COA6: variants seen among roughly 807,000 people sequenced by gnomAD.
COA6 encodes the protein cytochrome c oxidase assembly factor 6.
A neutral mutation model predicts 17.1 loss-of-function variants in COA6; 12 were observed. The observed-to-expected ratio is 0.70, with a 90% CI of 0.45 to 1.14. The LOEUF (loss-of-function observed/expected upper bound fraction) is 1.14. Among genes scored for constraint, COA6 ranks in the 50% most tolerant of loss-of-function variants. The pLI is 0.00. For missense variants in COA6, 246 were observed against 196.5 expected (o/e 1.25, Z -1.51); for synonymous variants, 90 against 73.4 (o/e 1.23, Z -1.16).
At chr1:234,382,078 C>CAGAT (rs1658988607) in intron 2 of COA6, among the ~76,000 whole-genome samples, 1 of 152,130 alleles carries the variant, frequency 6.6e-6, no homozygotes, top group African/African-American at 2.4e-5. Context: ...GAACTGTGGG[C>CAGAT]ATCTTACCAA....
intron 2 of COA6, 126 bp from the exon 3 acceptor site, chr1:234,383,597 C>CACACAA (rs952851914): frequency 2.7e-5 from 16 of 582,448 alleles, no homozygotes; most frequent in African/African-American, 2.5e-4. Context: ...CACACACACA[C>CACACAA]AAAATGGTTC....
intron 2 of COA6, among the ~76,000 whole-genome samples, chr1:234,376,866 C>T (rs1165833938): frequency 2.6e-5 from 4 of 152,224 alleles, no homozygotes; most frequent in African/African-American, 9.6e-5. Context: ...ATCCTGTTTA[C>T]AGCCATGGCT....
intron 2 of COA6, among the ~76,000 whole-genome samples, chr1:234,377,271 C>T (rs377126138): frequency 6.6e-6 from 1 of 151,842 alleles, no homozygotes; most frequent in Non-Finnish European, 1.5e-5. Context: ...GGATTACAAG[C>T]GCCCGCCACC....
chr1:234,380,267 G>A (rs994519409), intron 2 of COA6, among the ~76,000 whole-genome samples: 1 of 152,206 alleles, frequency 6.6e-6, no homozygotes, highest in African/African-American at 2.4e-5. Flanking sequence ...GCATAAGGGT[G>A]GGGAGGCACA....
At chr1:234,380,102 T>C (rs1399143711) in intron 2 of COA6, among the ~76,000 whole-genome samples, 1 of 152,214 alleles carries the variant, frequency 6.6e-6, no homozygotes. Context: ...CCACTGTTCT[T>C]TCTTAGTTCA....
chr1:234,378,779 A>G (rs1349974232), intron 2 of COA6, among the ~76,000 whole-genome samples: 1 of 152,202 alleles, frequency 6.6e-6, no homozygotes, highest in Non-Finnish European at 1.5e-5. Flanking sequence ...AGGCTGAGGC[A>G]GGAGAATTGC....
intron 2 of COA6, among the ~76,000 whole-genome samples, chr1:234,381,989 C>T (rs1407957257): frequency 6.6e-6 from 1 of 152,142 alleles, no homozygotes; most frequent in African/African-American, 2.4e-5. Context: ...CCATCCTAGC[C>T]CAATCAGCCT....
chr1:234,383,510 G>A (rs184291067), intron 2 of COA6, among the ~76,000 whole-genome samples: 4 of 150,530 alleles, frequency 2.7e-5, no homozygotes, highest in African/African-American at 2.5e-5. Context: ...CGTTGTGCAC[G>A]TGTACCCTAA....
chr1:234,384,010 A>G lies in COA6; in HGVS notation c.*192A>G, dbSNP rs990678560. On this transcript the variant is annotated 3_prime_UTR_variant, in exon 3 of 3. Transcript: ENST00000366615. ...AAATGGTATTTAGTAAGAAATCTCT[A>G]TTTTAAGAAAAAAAGTAAAACCTGT... is the stretch of plus-strand genomic sequence containing the variant. 2 of 434,938 alleles carry G rather than the reference A, an allele frequency of 4.6e-6. No individual in the cohort carries two copies. Among genetic ancestry groups the G allele is most frequent in the Non-Finnish European group, 8.4e-6 (2 of 238,928 alleles). The allele number at this position is 434,938 out of a possible 1,614,324, so 26.9% of individuals were successfully genotyped here.
At chr1:234,374,795 CA>C (rs1658740647) in intron 2 of COA6, among the ~76,000 whole-genome samples, 1 of 152,060 alleles carries the variant, frequency 6.6e-6, no homozygotes, top group South Asian at 2.1e-4. Context: ...ATCATATACC[CA>C]AAATATAAAG....
chr1:234,374,430 A>T, intron 2 of COA6, 41 bp downstream of exon 2: 1 of 1,604,376 alleles, frequency 6.2e-7, no homozygotes, highest in South Asian at 1.1e-5. Context: ...CTGTTAAGAT[A>T]CATCGAGCTT....
At chr1:234,377,119 C>CT (rs1158866312) in intron 2 of COA6, among the ~76,000 whole-genome samples, 1 of 40,862 alleles carries the variant, frequency 2.4e-5, no homozygotes, top group Admixed American at 3.0e-4. Flanking sequence ...TCTGTCTCCT[C>CT]TTTTTTTGTT....
In COA6 at chr1:234,374,303, TG is replaced by T. The variant is rs752068421; in HGVS notation, c.288del (p.Trp96Ter). On this transcript the variant is annotated frameshift_variant, in exon 2 of 3. Transcript: ENST00000366615. LOFTEE classifies it high-confidence loss of function. ...QVCWGARDEYWKCLDENLEDA... is the reference protein window; with the variant it reads ...QVCWGARDEYXKCLDENLEDA... Reference sequence around the variant, plus strand: ...CTGCTGGGGGGCCCGGGATGAGTACTGGAAGTGTTTAGATGAGAACTTAGAG... The same window carrying T: ...CTGCTGGGGGGCCCGGGATGAGTACTGAAGTGTTTAGATGAGAACTTAGAG... 3.7e-6 allele frequency: 6 copies of T among 1,614,034 alleles called. No individual in the cohort carries two copies. Among genetic ancestry groups the T allele is most frequent in the Admixed American group, 1.7e-5 (1 of 60,000 alleles).
rs71170479 is a variant in COA6, at chr1:234,377,059, C to CGAGAGAGAGAGAGA, written c.372+2699_372+2712dup. ...GACAGCTACCTTCTTGCTGTGTTGC[C>CGAGAGAGAGAGAGA]GAGAGAGAGAGAGAGAGAGAGAGAG... On this transcript the variant is annotated intron_variant, in intron 2 of 2. Coordinates refer to ENST00000366615, the MANE Select transcript of COA6 (RefSeq NM_001206641.3). Among the ~76,000 whole-genome samples the CGAGAGAGAGAGAGA allele has an allele frequency of 1.2e-3, 99 of 82,624 alleles. 7 individuals are homozygous for CGAGAGAGAGAGAGA. Among genetic ancestry groups the CGAGAGAGAGAGAGA allele is most frequent in the South Asian group, 2.7e-3 (7 of 2,554 alleles). 54.2% of individuals were successfully genotyped at this position (82,624 alleles called of 152,430 possible).
intron 2 of COA6, among the ~76,000 whole-genome samples, chr1:234,379,886 T>C (rs1658919211): frequency 6.6e-6 from 1 of 152,202 alleles, no homozygotes; most frequent in Non-Finnish European, 1.5e-5. Context: ...GGTCTCTCCC[T>C]TGACAAGTGG....
In COA6 at chr1:234,381,198, C is replaced by G. The variant is rs969784665; in HGVS notation, c.373-2525C>G. 3.9e-5 allele frequency among the ~76,000 whole-genome samples: 6 copies of G among 152,260 alleles called. No homozygotes were observed. In the South Asian group the frequency reaches 1.2e-3, roughly 32 times the overall value. Reference sequence around the variant, plus strand: ...TCAGAAATCCCAGTATTTTGGCATTCACACTACTGTCCTGGGTCTTATTCA... The same window carrying G: ...TCAGAAATCCCAGTATTTTGGCATTGACACTACTGTCCTGGGTCTTATTCA... On this transcript the variant is annotated intron_variant, in intron 2 of 2. Transcript: ENST00000366615.
chr1:234,374,490 T>C, intron 2 of COA6, 101 bp downstream of exon 2: 1 of 1,230,370 alleles, frequency 8.1e-7, no homozygotes, highest in Non-Finnish European at 1.2e-6. Context: ...GCATGTCAAT[T>C]AACAGTTTCT....
At chr1:234,374,988 C>T (rs777447137) in intron 2 of COA6, among the ~76,000 whole-genome samples, 1 of 152,116 alleles carries the variant, frequency 6.6e-6, no homozygotes, top group African/African-American at 2.4e-5. Context: ...TCACCAGTAC[C>T]TGTTAAGATA....
rs1035014784 is a variant in COA6, at chr1:234,374,350, G to A, written c.333G>A (p.Lys111=). Residue 111 remains lysine (K), a synonymous_variant, in exon 2 of 3, where the codon AAG becomes AAA. Transcript: ENST00000366615. Reference sequence around the variant, plus strand: ...TAGAGGATGCTTCTCAATGCAAGAAGTTAAGAAGCTCTTTCGAATCAAGTT... The same window carrying A: ...TAGAGGATGCTTCTCAATGCAAGAAATTAAGAAGCTCTTTCGAATCAAGTT... ...ENLEDASQCK[K]LRSSFESSCP... 2 of 1,614,080 alleles carry A rather than the reference G, an allele frequency of 1.2e-6. No individual in the cohort carries two copies. The highest frequency in any genetic ancestry group is 2.2e-5 in the East Asian group (1 of 44,880).
Sources: allele counts gnomAD v4.1 joint callset (sites outside exome capture counted in the v4.1 genomes callset), GRCh38; gene constraint gnomAD v4.1.1; transcripts MANE v1.5; gene names NCBI Gene and HGNC (gene_info 2026-07-23, HGNC 2026-07-21).